MKLN1: variants seen among roughly 807,000 people sequenced by gnomAD.
MKLN1 encodes muskelin 1, also known as muskelin.
MKLN1 carries 18 observed loss-of-function variants against 99.0 expected under a neutral mutation model. The observed-to-expected ratio is 0.18, with a 90% CI of 0.13 to 0.27. The LOEUF is 0.27. MKLN1 is among the 10% of genes least tolerant of loss of function. MKLN1 has a pLI of 1.00. For synonymous variants in MKLN1, 288 were observed against 293.2 expected (o/e 0.98, Z 0.18); for missense variants, 621 against 875.9 (o/e 0.71, Z 3.67).
intron 3 of MKLN1, among the ~76,000 whole-genome samples, chr7:131,319,138 AC>A (rs1380254098): frequency 6.6e-6 from 1 of 152,164 alleles, no homozygotes; most frequent in Non-Finnish European, 1.5e-5. Flanking sequence ...CAAAGACACA[AC>A]AAAAAAAGAA....
chr7:131,385,319 A>G (rs1438495894), intron 2 of MKLN1, among the ~76,000 whole-genome samples: 1 of 150,530 alleles, frequency 6.6e-6, no homozygotes, highest in African/African-American at 2.4e-5. Context: ...GTGAACATTC[A>G]TGTACGACTG....
chr7:131,259,920 T>C (rs1229703761), intron 3 of MKLN1, among the ~76,000 whole-genome samples: 2 of 152,192 alleles, frequency 1.3e-5, no homozygotes, highest in African/African-American at 4.8e-5. Flanking sequence ...TTATTGCTCT[T>C]TGTAGACAAT....
At chr7:131,321,992 G>C (rs1319897609) in intron 3 of MKLN1, among the ~76,000 whole-genome samples, 1 of 152,216 alleles carries the variant, frequency 6.6e-6, no homozygotes, top group Non-Finnish European at 1.5e-5. Context: ...AAGAGATAAG[G>C]ATCAATAACA....
rs150554970 is a variant in MKLN1, at chr7:131,174,953, TGATAGATAGATAGATAGATA to T, written c.-296-27866_-296-27847del. Among the ~76,000 whole-genome samples the T allele has an allele frequency of 4.4e-3, 624 of 140,990 alleles. 4 individuals are homozygous for T. Among genetic ancestry groups the T allele is most frequent in the Admixed American group, 0.012 (161 of 13,572 alleles). The allele number at this position is 140,990 out of a possible 152,430, so 92.5% of individuals were successfully genotyped here. ...GTCTCCCTCCCTGATAACTGGTAGA[TGATAGATAGATAGATAGATA>T]GATAGATAGATAGATAGATAGATAG... On this transcript the variant is annotated intron_variant, in intron 2 of 7. Coordinates refer to the MKLN1 transcript ENST00000416992.
chr7:131,329,031 G>GA (rs1798985003), intron 1 of MKLN1, among the ~76,000 whole-genome samples: 1 of 152,100 alleles, frequency 6.6e-6, no homozygotes, highest in South Asian at 2.1e-4. Flanking sequence ...CCATCTCACA[G>GA]GACCGAAACG....
chr7:131,120,781 G>T (rs1256399517), intron 1 of MKLN1, among the ~76,000 whole-genome samples: 3 of 152,074 alleles, frequency 2.0e-5, no homozygotes, highest in African/African-American at 7.2e-5. Flanking sequence ...CAGCATTTTG[G>T]TCACAACCAT....
chr7:131,440,078 T>C (rs1440019429), intron 10 of MKLN1, among the ~76,000 whole-genome samples: 3 of 152,196 alleles, frequency 2.0e-5, no homozygotes, highest in Non-Finnish European at 4.4e-5. Context: ...AGCAGTTGTA[T>C]GTCACAGTGA....
chr7:131,127,844 G>GA (rs1458723933), intron 1 of MKLN1, among the ~76,000 whole-genome samples: 2 of 152,218 alleles, frequency 1.3e-5, no homozygotes, highest in African/African-American at 4.8e-5. Context: ...GTGGGTTTGG[G>GA]ATCACAGATC....
At chr7:131,239,209 C>CAT (rs1480781942) in intron 3 of MKLN1, among the ~76,000 whole-genome samples, 1 of 152,072 alleles carries the variant, frequency 6.6e-6, no homozygotes, top group Admixed American at 6.6e-5. Flanking sequence ...TAATAAAAAT[C>CAT]ATATATATTT....
intron 8 of MKLN1, among the ~76,000 whole-genome samples, chr7:131,425,856 A>G (rs1434651300): frequency 6.6e-6 from 1 of 152,136 alleles, no homozygotes; most frequent in Non-Finnish European, 1.5e-5. Flanking sequence ...AATTATATCC[A>G]TAATTTTTAA....
chr7:131,444,946 C>T (rs1795966816), intron 11 of MKLN1, among the ~76,000 whole-genome samples: 3 of 151,844 alleles, frequency 2.0e-5, no homozygotes, highest in African/African-American at 7.3e-5. Context: ...CCATGCCTGG[C>T]CTATTTTTGT....
At chr7:131,219,500 T>C (rs1797031332) in intron 3 of MKLN1, among the ~76,000 whole-genome samples, 1 of 152,200 alleles carries the variant, frequency 6.6e-6, no homozygotes, top group African/African-American at 2.4e-5. Flanking sequence ...TATTCTTTAC[T>C]TCTCAGATAT....
intron 3 of MKLN1, among the ~76,000 whole-genome samples, chr7:131,222,175 A>G (rs73491126): frequency 0.023 from 3,542 of 152,286 alleles, 117 homozygotes; most frequent in African/African-American, 0.08. Context: ...ATTACAGGCC[A>G]CTGTGCCTGG....
At chr7:131,232,405 A>T (rs1797256312) in intron 3 of MKLN1, among the ~76,000 whole-genome samples, 1 of 152,194 alleles carries the variant, frequency 6.6e-6, no homozygotes, top group South Asian at 2.1e-4. Context: ...CACACATGAA[A>T]AATTTATAGG....
chr7:131,214,658 G>A (rs1036740968), intron 3 of MKLN1, among the ~76,000 whole-genome samples: 4 of 152,114 alleles, frequency 2.6e-5, no homozygotes, highest in Admixed American at 2.6e-4. Flanking sequence ...GCCACTCTAA[G>A]TTGTATATTA....
intron 2 of MKLN1, chr7:131,202,821 T>C (rs887427596): frequency 6.6e-6 from 1 of 152,166 alleles, no homozygotes; most frequent in Non-Finnish European, 1.5e-5. Flanking sequence ...GTCTGATTCA[T>C]TGCTCTACCA....
chr7:131,184,109 G>A (rs769235596), intron 2 of MKLN1, among the ~76,000 whole-genome samples: 14 of 151,912 alleles, frequency 9.2e-5, no homozygotes, highest in Non-Finnish European at 1.9e-4. Context: ...GGGTCTGCAG[G>A]GACTCTGTGA....
chr7:131,444,751 TAGTAGTAGAAGA>T (rs1279561641), intron 11 of MKLN1, among the ~76,000 whole-genome samples: 13 of 61,404 alleles, frequency 2.1e-4, no homozygotes, highest in East Asian at 1.5e-3. Context: ...GTAGTAGTAG[TAGTAGTAGAAGA>T]AGTAGTAGTA....
chr7:131,300,423 G>A (rs986009672), intron 3 of MKLN1, among the ~76,000 whole-genome samples: 4 of 151,372 alleles, frequency 2.6e-5, no homozygotes, highest in Non-Finnish European at 5.9e-5. Context: ...GCTTATGCCT[G>A]TAATCCCAGC....
Sources: allele counts gnomAD v4.1 joint callset (sites outside exome capture counted in the v4.1 genomes callset), GRCh38; gene constraint gnomAD v4.1.1; transcripts MANE v1.5; gene names NCBI Gene and HGNC (gene_info 2026-07-23, HGNC 2026-07-21).